ADAMTSL1: variants seen among roughly 807,000 people sequenced by gnomAD.
The protein encoded by ADAMTSL1 is ADAMTS-like protein 1.
ADAMTSL1 carries 126 observed loss-of-function variants against 201.8 expected under a neutral mutation model. The ratio of observed to expected loss-of-function variants is 0.62; its 90% CI spans 0.54 to 0.72. The LOEUF is 0.72. Ranked by LOEUF, ADAMTSL1 falls within the 30% of genes least tolerant of loss-of-function variation. ADAMTSL1 has a pLI of 0.00. For synonymous variants in ADAMTSL1, 1,121 were observed against 903.4 expected (o/e 1.24, Z -4.32); for missense variants, 2,679 against 2,277.8 (o/e 1.18, Z -3.59).
At chr9:17,927,390 A>G (rs1826588302) in intron 1 of ADAMTSL1, among the ~76,000 whole-genome samples, 1 of 152,124 alleles carries the variant, frequency 6.6e-6, no homozygotes, top group Non-Finnish European at 1.5e-5. Context: ...GCACACATAT[A>G]CGTACATATA....
At chr9:18,165,099 G>A (rs1411686109) in intron 2 of ADAMTSL1, among the ~76,000 whole-genome samples, 2 of 151,510 alleles carry the variant, frequency 1.3e-5, no homozygotes, top group Non-Finnish European at 2.9e-5. Context: ...AATTTTCTAT[G>A]TTTGTTTACA....
At chr9:18,514,327 CTTTTTTTTTTTT>C (rs397963773) in intron 2 of ADAMTSL1, among the ~76,000 whole-genome samples, 2,559 of 100,134 alleles carry the variant, frequency 0.026, 94 homozygotes, top group African/African-American at 0.091. Flanking sequence ...ATTTTTCTTT[CTTTTTTTTTTTT>C]TTTTTTTTTT....
chr9:18,418,778 C>G (rs1342875298), intron 2 of ADAMTSL1, among the ~76,000 whole-genome samples: 1 of 152,108 alleles, frequency 6.6e-6, no homozygotes, highest in African/African-American at 2.4e-5. Context: ...ACAAATTGGT[C>G]TATAGATTTT....
At chr9:18,804,949 C>T (rs1823012754) in intron 20 of ADAMTSL1, among the ~76,000 whole-genome samples, 2 of 152,184 alleles carry the variant, frequency 1.3e-5, no homozygotes, top group Non-Finnish European at 2.9e-5. Flanking sequence ...TATAATACTT[C>T]ATTGCTTTAA....
chr9:18,606,012 A>G (rs1824988737), intron 4 of ADAMTSL1, among the ~76,000 whole-genome samples: 1 of 152,124 alleles, frequency 6.6e-6, no homozygotes, highest in Non-Finnish European at 1.5e-5. Context: ...GTACAAACCA[A>G]AAGTTCACAT....
intron 1 of ADAMTSL1, among the ~76,000 whole-genome samples, chr9:18,138,679 G>C (rs1893853): frequency 0.96 from 146,074 of 152,210 alleles, 70,331 homozygotes; most frequent in Non-Finnish European, 1. Context: ...CACAGTAAGC[G>C]AGTTCTAGGA....
At chr9:18,158,433 G>T (rs1827248355) in intron 1 of ADAMTSL1, among the ~76,000 whole-genome samples, 1 of 151,578 alleles carries the variant, frequency 6.6e-6, no homozygotes, top group African/African-American at 2.4e-5. Context: ...AAGATTTTTT[G>T]GATTAACGGA....
intron 2 of ADAMTSL1, among the ~76,000 whole-genome samples, chr9:18,364,559 G>T (rs1334305744): frequency 6.6e-6 from 1 of 152,092 alleles, no homozygotes; most frequent in African/African-American, 2.4e-5. Flanking sequence ...GGTCCAATCA[G>T]TAAAAACAAT....
rs1372939797 is a variant in ADAMTSL1 at position 18,439,182 on chromosome 9, T to A, written c.208-65647T>A. On this transcript the variant is annotated intron_variant, in intron 2 of 29. Transcript: ENST00000680146. Reference sequence around the variant, plus strand: ...CCTGCATTGGCAAATTCCAAGTCCCTCATCATGGTCTAGAAACAAATCACC... The same window carrying A: ...CCTGCATTGGCAAATTCCAAGTCCCACATCATGGTCTAGAAACAAATCACC... Among the ~76,000 whole-genome samples, 3 of 152,194 alleles carry A rather than the reference T, an allele frequency of 2.0e-5. No homozygotes were observed. The East Asian group carries it at 5.8e-4, about 29-fold the overall frequency.
intron 4 of ADAMTSL1, among the ~76,000 whole-genome samples, chr9:18,575,030 T>C (rs1205914952): frequency 6.6e-6 from 1 of 152,244 alleles, no homozygotes; most frequent in Non-Finnish European, 1.5e-5. Flanking sequence ...TGCTTTTATA[T>C]TTCATGAAGC....
intron 2 of ADAMTSL1, among the ~76,000 whole-genome samples, chr9:18,237,718 GAA>G (rs961823970): frequency 5.3e-5 from 8 of 152,182 alleles, no homozygotes; most frequent in South Asian, 2.1e-4. Flanking sequence ...TGATGCATTT[GAA>G]AAGATTCTGT....
At chr9:18,566,829 A>G (rs1821929179) in intron 3 of ADAMTSL1, among the ~76,000 whole-genome samples, 2 of 152,186 alleles carry the variant, frequency 1.3e-5, no homozygotes, top group African/African-American at 2.4e-5. Context: ...GAGCAAGGGC[A>G]GAAGGGAAAT....
intron 2 of ADAMTSL1, among the ~76,000 whole-genome samples, chr9:18,525,492 A>G (rs1818980012): frequency 1.3e-5 from 2 of 152,030 alleles, no homozygotes; most frequent in Admixed American, 1.3e-4. Context: ...TAGCTTTTGA[A>G]TGTGTTTGCT....
intron 2 of ADAMTSL1, among the ~76,000 whole-genome samples, chr9:18,220,306 G>C (rs1830208364): frequency 1.3e-5 from 2 of 152,146 alleles, no homozygotes; most frequent in South Asian, 2.1e-4. Context: ...GGAGGGTTCA[G>C]AATTTTTCTT....
At chr9:18,089,396 A>G (rs1418799253) in intron 1 of ADAMTSL1, among the ~76,000 whole-genome samples, 2 of 151,400 alleles carry the variant, frequency 1.3e-5, no homozygotes, top group Non-Finnish European at 2.9e-5. Context: ...ATTCTCATTC[A>G]TAAGTGGGAG....
intron 23 of ADAMTSL1, among the ~76,000 whole-genome samples, chr9:18,847,492 A>G (rs1309055536): frequency 1.3e-5 from 2 of 152,262 alleles, no homozygotes; most frequent in East Asian, 1.9e-4. Context: ...GGTAGAAGTA[A>G]TAAGTGCTAT....
intron 10 of ADAMTSL1, among the ~76,000 whole-genome samples, chr9:18,679,712 A>G (rs1023622182): frequency 1.3e-5 from 2 of 152,200 alleles, no homozygotes; most frequent in Non-Finnish European, 1.5e-5. Context: ...CCTCAGCTTA[A>G]TAATGATAGC....
At chr9:18,685,025 G>A (rs970232730) in intron 13 of ADAMTSL1, 2 of 1,260,942 alleles carry the variant, frequency 1.6e-6, no homozygotes, top group East Asian at 3.5e-5. Context: ...AAATGAAGGT[G>A]TAGTGCTTAC....
intron 16 of ADAMTSL1, among the ~76,000 whole-genome samples, chr9:18,754,276 C>T (rs948432358): frequency 6.6e-6 from 1 of 152,174 alleles, no homozygotes; most frequent in Non-Finnish European, 1.5e-5. Flanking sequence ...AATAACACAA[C>T]TATTTTATCA....
Sources: gnomAD v4.1 joint callset for allele counts (sites outside exome capture counted in the v4.1 genomes callset) on GRCh38, gnomAD v4.1.1 for gene constraint, MANE v1.5 for transcripts, NCBI Gene and HGNC (gene_info 2026-07-23, HGNC 2026-07-21) for gene names.